Variants in ZNF804B observed in about 807,000 individuals in gnomAD.
ZNF804B encodes the protein zinc finger 804B.
ZNF804B carries 80 observed loss-of-function variants against 101.4 expected under a neutral mutation model. The observed-to-expected ratio is 0.79, with a 90% CI of 0.66 to 0.95. The LOEUF (loss-of-function observed/expected upper bound fraction) is 0.95, where lower values mean the gene tolerates loss of function less well. Among genes scored for constraint, ZNF804B ranks in the 40% least tolerant of loss-of-function variants. The pLI is 0.00. For missense variants in ZNF804B, 1,673 were observed against 1,561.9 expected, an observed-to-expected ratio of 1.07 and a Z score of -1.20; for synonymous variants, 622 against 558.8, an observed-to-expected ratio of 1.11 and a Z score of -1.59.
chr7:88,921,837 A>G (rs1277842128), intron 1 of ZNF804B, among the ~76,000 whole-genome samples: 1 of 152,082 alleles, frequency 6.6e-6, no homozygotes, highest in Non-Finnish European at 1.5e-5. Context: ...TCTAATTTGA[A>G]GATAAATCTC....
chr7:89,281,600 A>G (rs1034252015), intron 2 of ZNF804B, among the ~76,000 whole-genome samples: 3 of 152,208 alleles, frequency 2.0e-5, no homozygotes, highest in African/African-American at 7.2e-5. Context: ...TGCTTGAAGC[A>G]TATGGCAAAG....
intron 1 of ZNF804B, among the ~76,000 whole-genome samples, chr7:89,039,152 T>C (rs1788975556): frequency 6.6e-6 from 1 of 152,038 alleles, no homozygotes; most frequent in Non-Finnish European, 1.5e-5. Flanking sequence ...GGCTGTTTGC[T>C]GCCGTTTGTG....
chr7:89,065,181 C>T (rs1228087665), intron 1 of ZNF804B, among the ~76,000 whole-genome samples: 6 of 152,136 alleles, frequency 3.9e-5, no homozygotes, highest in Admixed American at 3.9e-4. Context: ...AGCAAGTAAA[C>T]TACAGAGCAT....
At chr7:89,306,574 C>T (rs1036059363) in intron 2 of ZNF804B, among the ~76,000 whole-genome samples, 1 of 151,910 alleles carries the variant, frequency 6.6e-6, no homozygotes, top group African/African-American at 2.4e-5. Flanking sequence ...TTTTGGGGGC[C>T]ACTGATACTT....
Position 89,284,274 on chromosome 7 carries a change from G to A in ZNF804B, c.250-43070G>A, listed in dbSNP as rs979264489. On this transcript the variant is annotated intron_variant, in intron 2 of 3. Transcript: ENST00000333190. Reference sequence around the variant, plus strand: ...GATGCTGATCATCTTCATGTGGGAAGTTCATCTCTCCAATTGCCTATTGCA... The same window carrying A: ...GATGCTGATCATCTTCATGTGGGAAATTCATCTCTCCAATTGCCTATTGCA... Among the ~76,000 whole-genome samples, 6 of 152,282 alleles carry A rather than the reference G, an allele frequency of 3.9e-5. No individual in the cohort carries two copies. The East Asian group carries it at 1.2e-3, about 29-fold the overall frequency.
At chr7:89,070,842 A>C (rs1423665758) in intron 1 of ZNF804B, among the ~76,000 whole-genome samples, 2 of 152,034 alleles carry the variant, frequency 1.3e-5, no homozygotes, top group Admixed American at 1.3e-4. Context: ...CTTCATTTGT[A>C]GAGAAAGAGA....
intron 1 of ZNF804B, among the ~76,000 whole-genome samples, chr7:88,979,301 T>C (rs1793662712): frequency 6.6e-6 from 1 of 152,060 alleles, no homozygotes; most frequent in Non-Finnish European, 1.5e-5. Context: ...GATTTCTTTT[T>C]GCTCAGTAAG....
intron 2 of ZNF804B, among the ~76,000 whole-genome samples, chr7:89,229,178 G>A (rs1293868202): frequency 6.6e-6 from 1 of 152,348 alleles, no homozygotes; most frequent in East Asian, 1.9e-4. Context: ...GGCTCTCACT[G>A]TGCAGCGGCG....
chr7:89,206,456 T>G (rs1424511881), intron 1 of ZNF804B, among the ~76,000 whole-genome samples: 1 of 152,110 alleles, frequency 6.6e-6, no homozygotes, highest in Non-Finnish European at 1.5e-5. Flanking sequence ...TGTGAATACA[T>G]AAAACTGAAT....
At chr7:89,039,338 C>G (rs987291394) in intron 1 of ZNF804B, among the ~76,000 whole-genome samples, 3 of 151,952 alleles carry the variant, frequency 2.0e-5, no homozygotes, top group Non-Finnish European at 2.9e-5. Flanking sequence ...AATCAATTAA[C>G]ATGGGTTATC....
At chr7:89,301,595 G>A (rs1180402065) in intron 2 of ZNF804B, among the ~76,000 whole-genome samples, 1 of 151,802 alleles carries the variant, frequency 6.6e-6, no homozygotes, top group Non-Finnish European at 1.5e-5. Flanking sequence ...GAATCCTCCA[G>A]AATTTTATCA....
At chr7:88,936,941 A>C (rs1420201014) in intron 1 of ZNF804B, among the ~76,000 whole-genome samples, 1 of 152,036 alleles carries the variant, frequency 6.6e-6, no homozygotes, top group Non-Finnish European at 1.5e-5. Context: ...TAGACTGAAA[A>C]ATATAGCCAC....
intron 2 of ZNF804B, among the ~76,000 whole-genome samples, chr7:89,278,749 T>C (rs1240649173): frequency 6.7e-6 from 1 of 150,204 alleles, no homozygotes; most frequent in Non-Finnish European, 1.5e-5. Context: ...TTTTGGTTAC[T>C]GTAGCCTTGT....
intron 1 of ZNF804B, among the ~76,000 whole-genome samples, chr7:88,896,795 G>T (rs1217737876): frequency 6.6e-6 from 1 of 152,192 alleles, no homozygotes; most frequent in African/African-American, 2.4e-5. Context: ...CAGTGCCTTT[G>T]TAAGAGGAAA....
chr7:89,159,631 T>C (rs551092410), intron 1 of ZNF804B, among the ~76,000 whole-genome samples: 1 of 152,276 alleles, frequency 6.6e-6, no homozygotes, highest in Admixed American at 6.5e-5. Context: ...TGAGTTAACA[T>C]CTGATAATAG....
At chr7:88,866,726 G>T (rs1351100799) in intron 1 of ZNF804B, among the ~76,000 whole-genome samples, 2 of 152,028 alleles carry the variant, frequency 1.3e-5, no homozygotes, top group African/African-American at 4.8e-5. Flanking sequence ...CTAACCTACA[G>T]AACCATGAAA....
chr7:88,861,643 C>T (rs532145320), intron 1 of ZNF804B, among the ~76,000 whole-genome samples: 1 of 152,292 alleles, frequency 6.6e-6, no homozygotes, highest in Admixed American at 6.5e-5. Flanking sequence ...GTCTCCAGTA[C>T]AGTGTCACTG....
At chr7:88,979,029 CAAACA>C (rs1309927801) in intron 1 of ZNF804B, among the ~76,000 whole-genome samples, 1 of 151,844 alleles carries the variant, frequency 6.6e-6, no homozygotes, top group Non-Finnish European at 1.5e-5. Flanking sequence ...ATTGCAAAAA[CAAACA>C]AAAGACCAAA....
Position 88,815,785 on chromosome 7 carries a change from C to T in ZNF804B, c.108+55701C>T, listed in dbSNP as rs58980357. 2.4e-3 allele frequency among the ~76,000 whole-genome samples: 365 copies of T among 152,190 alleles called. 2 individuals are homozygous for T. Among genetic ancestry groups the T allele is most frequent in the African/African-American group, 8.7e-3 (361 of 41,530 alleles). On this transcript the variant is annotated intron_variant, in intron 1 of 3. Transcript: ENST00000333190. The stretch of plus-strand genomic sequence containing the variant: ...CCCTGCTCTTTTGGGGCTCTGTCTT[C>T]CCATGCCAAGCTGCCTTCCTCTCCC...
Sources: gnomAD v4.1 joint callset for allele counts (sites outside exome capture counted in the v4.1 genomes callset) on GRCh38, gnomAD v4.1.1 for gene constraint, MANE v1.5 for transcripts, NCBI Gene and HGNC (gene_info 2026-07-23, HGNC 2026-07-21) for gene names.